The following MRAS variants were observed in gnomAD, a reference collection of about 807,000 sequenced individuals.
MRAS encodes the protein muscle RAS oncogene homolog, also known as ras-related protein M-Ras.
In MRAS, 4 loss-of-function variants were observed where a neutral mutation model predicts 20.9. The ratio of observed to expected loss-of-function variants is 0.19; its 90% CI spans 0.09 to 0.44. The LOEUF (loss-of-function observed/expected upper bound fraction) is 0.44. Ranked by LOEUF, MRAS falls within the 20% of genes least tolerant of loss-of-function variation. The probability of loss-of-function intolerance (pLI) is 0.99; values close to 1 mark genes in which losing one functional copy is unlikely to be tolerated. For missense variants in MRAS, 154 were observed against 277.5 expected, an observed-to-expected ratio of 0.56 and a Z score of 3.16; for synonymous variants, 98 against 102.9, an observed-to-expected ratio of 0.95 and a Z score of 0.29.
chr3:138,353,008 C>T lies in MRAS; in HGVS notation c.-19+4241C>T, dbSNP rs148937188. The stretch of plus-strand genomic sequence containing the variant: ...ATGAAGACCACTACCAGTATTCAAG[C>T]AACCTTCGGAGGACAGAATCCTAGA... On this transcript the variant is annotated intron_variant, in intron 1 of 5. Transcript: ENST00000423968. Among the ~76,000 whole-genome samples, 841 of 152,250 alleles carry T rather than the reference C, an allele frequency of 5.5e-3. 4 individuals are homozygous for T. The highest frequency in any genetic ancestry group is 9.7e-3 in the Non-Finnish European group (662 of 68,008).
chr3:138,397,029 C>T (rs988711177), intron 2 of MRAS, among the ~76,000 whole-genome samples: 5 of 152,100 alleles, frequency 3.3e-5, no homozygotes, highest in African/African-American at 4.8e-5. Context: ...CTTCATGAGG[C>T]GCGTCTGTAG....
chr3:138,404,740 A>AGT lies in MRAS; in HGVS notation c.*2472_*2473dup, dbSNP rs1268529096. 2 of 152,206 alleles carry AGT rather than the reference A, an allele frequency of 1.3e-5. No homozygotes were observed. Among genetic ancestry groups the AGT allele is most frequent in the Non-Finnish European group, 2.9e-5 (2 of 68,034 alleles). The allele number at this position is 152,206 out of a possible 1,614,324, so 9.4% of individuals were successfully genotyped here. On this transcript the variant is annotated 3_prime_UTR_variant, in exon 6 of 6. Coordinates refer to ENST00000423968, the MANE Select transcript of MRAS (RefSeq NM_001085049.3). ...CTGAGGTAGCTTCCAGATAGGCCAG[A>AGT]GTAGAGTGTAGAGTGTGCCCCGTGA...
At position 138,373,092 on chromosome 3, in the gene MRAS, C is replaced by T; in HGVS notation, c.193+16C>T. 6.9e-7 allele frequency: 1 copy of T among 1,441,890 alleles called. No individual in the cohort carries two copies. Among genetic ancestry groups the T allele is most frequent in the Non-Finnish European group, 9.1e-7 (1 of 1,095,600 alleles). 89.3% of individuals were successfully genotyped at this position (1,441,890 alleles called of 1,614,324 possible). ...ATCTTGGACGGTGAGACCTGGGTGG[C>T]AGCCCTGCATTGGGTGGGATAGTAG... On this transcript the variant is annotated intron_variant, in intron 2 of 5. Coordinates refer to ENST00000423968, the MANE Select transcript of MRAS (RefSeq NM_001085049.3).
chr3:138,385,412 A>G (rs878883259), intron 2 of MRAS, among the ~76,000 whole-genome samples: 7 of 150,800 alleles, frequency 4.6e-5, no homozygotes, highest in Non-Finnish European at 8.9e-5. Flanking sequence ...CTCCCAAAGT[A>G]TTGGGATTAC....
intron 2 of MRAS, among the ~76,000 whole-genome samples, chr3:138,387,856 C>T (rs1209710): frequency 0.82 from 125,051 of 152,162 alleles, 51,890 homozygotes; most frequent in East Asian, 0.98. Context: ...CTGGGGATCA[C>T]GGGCCTTGTG....
At chr3:138,367,471 A>G (rs770058390) in intron 1 of MRAS, among the ~76,000 whole-genome samples, 7 of 152,156 alleles carry the variant, frequency 4.6e-5, no homozygotes, top group Non-Finnish European at 8.8e-5. Flanking sequence ...ACAAAAGACT[A>G]TTCCTGGGAG....
At chr3:138,356,865 G>A (rs1336960923) in intron 1 of MRAS, among the ~76,000 whole-genome samples, 1 of 152,154 alleles carries the variant, frequency 6.6e-6, no homozygotes, top group Admixed American at 6.5e-5. Flanking sequence ...TGGCATCATA[G>A]CCTTCCCATC....
intron 2 of MRAS, among the ~76,000 whole-genome samples, chr3:138,392,210 T>A (rs1408284791): frequency 2.0e-5 from 3 of 152,188 alleles, no homozygotes; most frequent in Non-Finnish European, 4.4e-5. Flanking sequence ...CAGAATAAGC[T>A]TAAATTTTGT....
At chr3:138,398,751 C>T (rs1036210908) in intron 4 of MRAS, among the ~76,000 whole-genome samples, 183 bp downstream of exon 4, 5 of 152,148 alleles carry the variant, frequency 3.3e-5, no homozygotes, top group African/African-American at 4.8e-5. Flanking sequence ...ATCAGTGTTT[C>T]GTCAATGGTA....
intron 1 of MRAS, among the ~76,000 whole-genome samples, chr3:138,363,781 G>A (rs1277553661): frequency 6.8e-6 from 1 of 147,974 alleles, no homozygotes; most frequent in African/African-American, 2.5e-5. Context: ...AGGTAAAACA[G>A]GGACCTTTCT....
At chr3:138,392,153 A>T (rs2055145169) in intron 2 of MRAS, among the ~76,000 whole-genome samples, 4 of 152,290 alleles carry the variant, frequency 2.6e-5, no homozygotes, top group East Asian at 1.9e-4. Flanking sequence ...ACAAAAAAAT[A>T]AAAAAATGCT....
At position 138,402,348 on chromosome 3, in the gene MRAS, A is replaced by G; in HGVS notation, c.*79A>G. ...CTCCCCACCTAACTGCACTGAAACC[A>G]TTTCTAACCACAACCCTTGGCCCAA... On this transcript the variant is annotated 3_prime_UTR_variant, in exon 6 of 6. Transcript: ENST00000423968. The G allele has an allele frequency of 8.2e-7, 1 of 1,218,370 alleles. No individual in the cohort carries two copies. 75.5% of individuals were successfully genotyped at this position (1,218,370 alleles called of 1,614,324 possible). A position where few individuals can be genotyped will look rare whatever the true frequency, so the allele number is the denominator to read the frequency against.
chr3:138,389,348 G>A (rs534194372), intron 2 of MRAS, among the ~76,000 whole-genome samples: 1 of 151,748 alleles, frequency 6.6e-6, no homozygotes, highest in South Asian at 2.1e-4. Flanking sequence ...CTACCCCATG[G>A]TGAGGAGCTG....
intron 1 of MRAS, among the ~76,000 whole-genome samples, chr3:138,352,658 G>C (rs193117360): frequency 1.3e-5 from 2 of 152,258 alleles, no homozygotes; most frequent in Admixed American, 1.3e-4. Flanking sequence ...CTGAGTCTCA[G>C]AGGGGTATAG....
intron 1 of MRAS, among the ~76,000 whole-genome samples, chr3:138,366,352 C>G (rs974459085): frequency 2.0e-5 from 3 of 152,238 alleles, no homozygotes; most frequent in African/African-American, 7.2e-5. Context: ...ATTCACTTTC[C>G]TAAGAGCTCC....
intron 1 of MRAS, among the ~76,000 whole-genome samples, chr3:138,362,330 G>T (rs2054466226): frequency 1.3e-5 from 2 of 152,126 alleles, no homozygotes; most frequent in Non-Finnish European, 2.9e-5. Context: ...CTTTTCACTA[G>T]CCTGTGCCCT....
intron 1 of MRAS, among the ~76,000 whole-genome samples, chr3:138,357,899 C>T (rs2054367430): frequency 1.3e-5 from 2 of 152,198 alleles, no homozygotes; most frequent in East Asian, 1.9e-4. Context: ...TCTCCTCAAA[C>T]CTAGTTTACT....
Position 138,402,203 on chromosome 3 carries a change from G to A in MRAS, c.561G>A (p.Lys187=). 1.2e-6 allele frequency: 2 copies of A among 1,614,222 alleles called. No homozygotes were observed. Among genetic ancestry groups the A allele is most frequent in the South Asian group, 1.1e-5 (1 of 91,086 alleles). The stretch of plus-strand genomic sequence containing the variant: ...TTCCGGAAAAAAGCCAGAAGAAGAA[G>A]AAGAAAACCAAATGGCGGGGAGACC... ...QQIPEKSQKK[K]KKTKWRGDRA... The change falls in exon 6 of 6, where the codon AAG becomes AAA. Residue 187 remains lysine (K), a synonymous_variant. Coordinates refer to ENST00000423968, the MANE Select transcript of MRAS (RefSeq NM_001085049.3).
intron 2 of MRAS, among the ~76,000 whole-genome samples, chr3:138,385,301 A>G (rs1029527838): frequency 6.7e-6 from 1 of 149,092 alleles, no homozygotes; most frequent in Non-Finnish European, 1.5e-5. Flanking sequence ...CTGGGACCAC[A>G]GGCCTGGCAA....
Sources: allele counts gnomAD v4.1 joint callset (sites outside exome capture counted in the v4.1 genomes callset), GRCh38; gene constraint gnomAD v4.1.1; transcripts MANE v1.5; gene names NCBI Gene and HGNC (gene_info 2026-07-23, HGNC 2026-07-21).